PRRT4: variants seen among roughly 807,000 people sequenced by gnomAD.
The protein encoded by PRRT4 is proline-rich transmembrane protein 4.
PRRT4 carries 59 observed loss-of-function variants against 55.6 expected under a neutral mutation model. That is an observed-to-expected ratio of 1.06 (90% CI 0.86 to 1.32). The LOEUF (loss-of-function observed/expected upper bound fraction) is 1.32. Ranked by LOEUF, PRRT4 falls within the 40% of genes most tolerant of loss-of-function variation. The probability of loss-of-function intolerance (pLI) is 0.00; values close to 1 mark genes in which losing one functional copy is unlikely to be tolerated. For synonymous variants in PRRT4, 606 were observed against 601.8 expected, an observed-to-expected ratio of 1.01 and a Z score of -0.10; for missense variants, 1,217 against 1,222.0, an observed-to-expected ratio of 1.00 and a Z score of 0.06.
At chr7:128,354,057 G>T (rs1797058651) in intron 4 of PRRT4, among the ~76,000 whole-genome samples, 1 of 152,186 alleles carries the variant, frequency 6.6e-6, no homozygotes, top group African/African-American at 2.4e-5. Context: ...CACAGGCAAG[G>T]GTAGAAGAAG....
At chr7:128,352,507 G>C in exon 5 of PRRT4, 1 of 1,542,368 alleles carries the variant, frequency 6.5e-7, no homozygotes, top group Non-Finnish European at 8.7e-7. Context: ...TGCCCAGTCG[G>C]CCTCCAGGGT....
intron 4 of PRRT4, among the ~76,000 whole-genome samples, chr7:128,356,008 C>T (rs986050954): frequency 1.3e-5 from 2 of 152,160 alleles, no homozygotes; most frequent in African/African-American, 4.8e-5. Context: ...CGCCTGTAAT[C>T]CCAGCACTTT....
chr7:128,351,044 G>A (rs1197367869), exon 5 of PRRT4: 10 of 1,549,114 alleles, frequency 6.5e-6, no homozygotes, highest in Non-Finnish European at 8.7e-6. Context: ...CCTGAGGGCC[G>A]CGGGGGACTG....
chr7:128,356,781 A>G (rs1227179911), intron 4 of PRRT4, among the ~76,000 whole-genome samples: 1 of 152,218 alleles, frequency 6.6e-6, no homozygotes, highest in Non-Finnish European at 1.5e-5. Context: ...GCTAGGAATC[A>G]TGTCTCCACT....
intron 4 of PRRT4, among the ~76,000 whole-genome samples, chr7:128,354,570 A>ACACACACACACACAC (rs1231440333): frequency 3.6e-5 from 3 of 83,486 alleles, no homozygotes. Flanking sequence ...GCTCAAAAAA[A>ACACACACACACACAC]ACACACACAC....
chr7:128,358,838 C>T lies in PRRT4; in HGVS notation c.758-38G>A, dbSNP rs1486436616. The T allele has an allele frequency of 6.7e-7, 1 of 1,496,848 alleles. No individual in the cohort carries two copies. The highest frequency in any genetic ancestry group is 1.3e-5 in the South Asian group (1 of 74,774). 92.7% of individuals were successfully genotyped at this position (1,496,848 alleles called of 1,614,324 possible). ...CACATGGGGCTCAAGTGCCACCCCACCAACCAGCCTTGCCTCTGGGAGTTT... is the reference window on the plus strand; with the variant it reads ...CACATGGGGCTCAAGTGCCACCCCATCAACCAGCCTTGCCTCTGGGAGTTT... On this transcript the variant is annotated intron_variant, in intron 3 of 4. Coordinates refer to ENST00000535159, the Ensembl canonical transcript of PRRT4. This position sits in a 1 kb window ranked among gnomAD's most constrained non-coding sequence, Gnocchi z 4.4.
At chr7:128,350,699 G>A (rs1796936425), downstream of PRRT4, 3 of 1,187,348 alleles carry the variant, frequency 2.5e-6, no homozygotes, top group Admixed American at 8.1e-5. Context: ...GATAGAGCCT[G>A]GCTGCTGACC....
At position 128,358,580 on chromosome 7, in the gene PRRT4, G is replaced by T; in HGVS notation, c.877+101C>A. The T allele has an allele frequency of 1.0e-6, 1 of 979,892 alleles. No homozygotes were observed. Among genetic ancestry groups the T allele is most frequent in the Non-Finnish European group, 1.6e-6 (1 of 644,414 alleles). The allele number at this position is 979,892 out of a possible 1,614,324, so 60.7% of individuals were successfully genotyped here. Reference sequence around the variant, plus strand: ...TGAAGAGAATGATGATTATGATTATGATGACAATGAAATAAAAGGGTCCCA... The same window carrying T: ...TGAAGAGAATGATGATTATGATTATTATGACAATGAAATAAAAGGGTCCCA... On this transcript the variant is annotated intron_variant, in intron 4 of 4. Coordinates refer to ENST00000535159, the Ensembl canonical transcript of PRRT4. This position sits in a 1 kb window ranked among gnomAD's most constrained non-coding sequence, Gnocchi z 4.4.
Position 128,352,391 on chromosome 7 carries a change from G to A in PRRT4, c.1165C>T (p.Pro389Ser), listed in dbSNP as rs1584679798. 1.4e-5 allele frequency: 21 copies of A among 1,524,502 alleles called. No individual in the cohort carries two copies. The East Asian group carries it at 4.4e-4, about 32-fold the overall frequency. 94.4% of individuals were successfully genotyped at this position (1,524,502 alleles called of 1,614,324 possible). A position where few individuals can be genotyped will look rare whatever the true frequency, so the allele number is the denominator to read the frequency against. ...GGGGCGCCGGGCGGGCACCGCCAGG[G>A]CAAGAGGGCCAGAGCCAGCAGCGCC... Residue 389 changes from proline (P) to serine (S), a missense_variant, in exon 5 of 5, where the codon CCC (proline) becomes TCC (serine). Physicochemically the swap from Pro to Ser is moderately conservative, Grantham distance 74. Transcript: ENST00000535159.
At chr7:128,353,818 T>C (rs1322653330) in intron 4 of PRRT4, among the ~76,000 whole-genome samples, 1 of 152,206 alleles carries the variant, frequency 6.6e-6, no homozygotes, top group Non-Finnish European at 1.5e-5. Context: ...TTTGCTATCT[T>C]GGGTCCCTAG....
intron 4 of PRRT4, among the ~76,000 whole-genome samples, chr7:128,354,299 C>T (rs550410397): frequency 8.5e-5 from 13 of 152,208 alleles, no homozygotes; most frequent in Non-Finnish European, 1.8e-4. Context: ...CGCGGTGGCT[C>T]ATGGCTGTAA....
chr7:128,352,059 G>C lies in PRRT4; in HGVS notation c.1497C>G (p.Arg499=), dbSNP rs951616458. 10 of 1,221,256 alleles carry C rather than the reference G, an allele frequency of 8.2e-6. No homozygotes were observed. In the African/African-American group the frequency reaches 1.6e-4, roughly 19 times the overall value. 75.7% of individuals were successfully genotyped at this position (1,221,256 alleles called of 1,614,324 possible). The change falls in exon 5 of 5, where the codon CGC becomes CGG. Residue 499 remains arginine, a synonymous_variant. Coordinates refer to ENST00000535159, the Ensembl canonical transcript of PRRT4. The stretch of plus-strand genomic sequence containing the variant: ...AAGCGGCGAGAAAGGCGTGCAGCCC[G>C]CGCGAGGCGAGCCGCAGGGGCCGCA...
Position 128,352,500 on chromosome 7 carries a change from C to T in PRRT4, c.1056G>A (p.Trp352Ter), listed in dbSNP as rs1348027548. Residue 352 changes from tryptophan (W) to a stop codon, truncating the protein, a stop_gained, in exon 5 of 5, where the codon TGG (tryptophan) becomes TGA (stop). Coordinates refer to ENST00000535159, the Ensembl canonical transcript of PRRT4. LOFTEE classifies it high-confidence loss of function. ...GCCCCCAGCGAGCCCTGGCCTCTGC[C>T]CAGTCGGCCTCCAGGGTCAGGAAAA... The T allele has an allele frequency of 6.5e-7, 1 of 1,541,850 alleles. No individual in the cohort carries two copies. The highest frequency in any genetic ancestry group is 8.7e-7 in the Non-Finnish European group (1 of 1,146,842).
intron 4 of PRRT4, among the ~76,000 whole-genome samples, chr7:128,355,345 G>A (rs186791937): frequency 3.1e-4 from 47 of 152,180 alleles, no homozygotes; most frequent in African/African-American, 9.2e-4. Context: ...TTACAGGTGC[G>A]TGCCACCATG....
intron 1 of PRRT4, among the ~76,000 whole-genome samples, 191 bp downstream of exon 2, chr7:128,361,099 TCTCTCACACACACACA>T (rs1433386386): frequency 5.5e-5 from 7 of 127,550 alleles, no homozygotes; most frequent in African/African-American, 2.0e-4. Flanking sequence ...TCTCTCTCTC[TCTCTCACACACACACA>T]CACACACACA....
At chr7:128,353,265 A>T (rs1281718283) in intron 4 of PRRT4, among the ~76,000 whole-genome samples, 1 of 152,144 alleles carries the variant, frequency 6.6e-6, no homozygotes, top group African/African-American at 2.4e-5. Context: ...CCAGGTCTGA[A>T]CATCAGTCTG....
chr7:128,354,327 G>A (rs1310635283), intron 4 of PRRT4, among the ~76,000 whole-genome samples: 1 of 152,172 alleles, frequency 6.6e-6, no homozygotes, highest in East Asian at 1.9e-4. Flanking sequence ...ACTTTGGGAG[G>A]CCGTGGCGAG....
exon 5 of PRRT4, chr7:128,352,214 G>A (rs779290580): frequency 2.6e-6 from 4 of 1,528,780 alleles, no homozygotes; most frequent in African/African-American, 1.4e-5. Flanking sequence ...GCCAGCCCCA[G>A]GCCGGCAGCC....
At chr7:128,359,087 C>T in intron 3 of PRRT4, 62 bp downstream of exon 4, 1 of 1,501,400 alleles carries the variant, frequency 6.7e-7, no homozygotes. Context: ...TGTTAGGCTC[C>T]TAGCACAGCG....
Sources: gnomAD v4.1 joint callset for allele counts (sites outside exome capture counted in the v4.1 genomes callset) on GRCh38, gnomAD v4.1.1 for gene constraint, Gnocchi (gnomAD v3.1) non-coding constraint, MANE v1.5 for transcripts, NCBI Gene and HGNC (gene_info 2026-07-23, HGNC 2026-07-21) for gene names.